The following CERS3 variants were observed in gnomAD, a reference collection of about 807,000 sequenced individuals.
CERS3 encodes the protein LAG1 homolog, ceramide synthase 3.
A neutral mutation model predicts 50.3 loss-of-function variants in CERS3; 33 were observed. The ratio of observed to expected loss-of-function variants is 0.66; its 90% CI spans 0.50 to 0.88. CERS3 has a LOEUF of 0.88. Among genes scored for constraint, CERS3 ranks in the 40% least tolerant of loss-of-function variants. CERS3 has a pLI of 0.00. For synonymous variants in CERS3, 176 were observed against 155.2 expected, an observed-to-expected ratio of 1.13 and a Z score of -0.99; for missense variants, 470 against 460.3, an observed-to-expected ratio of 1.02 and a Z score of -0.19.
At chr15:100,440,277 G>C (rs985323494) in intron 11 of CERS3, among the ~76,000 whole-genome samples, 3 of 152,138 alleles carry the variant, frequency 2.0e-5, no homozygotes, top group African/African-American at 7.2e-5. Flanking sequence ...CTGAGCCTAA[G>C]CTAAGCCATC....
intron 11 of CERS3, among the ~76,000 whole-genome samples, chr15:100,417,820 C>G (rs959775243): frequency 2.0e-5 from 3 of 151,852 alleles, no homozygotes; most frequent in African/African-American, 4.9e-5. Flanking sequence ...AGCAAGGGCA[C>G]ACTGACACCT....
At chr15:100,436,775 T>C (rs916337410) in intron 11 of CERS3, among the ~76,000 whole-genome samples, 1 of 152,180 alleles carries the variant, frequency 6.6e-6, no homozygotes, top group South Asian at 2.1e-4. Flanking sequence ...GAGATTGTTT[T>C]ACTTATTTAA....
At chr15:100,413,657 T>C (rs1214127150) in intron 11 of CERS3, among the ~76,000 whole-genome samples, 1 of 151,642 alleles carries the variant, frequency 6.6e-6, no homozygotes, top group Non-Finnish European at 1.5e-5. Flanking sequence ...CTGATAATAT[T>C]GTAAAAAAAG....
At chr15:100,456,752 G>A (rs983001878) in intron 10 of CERS3, among the ~76,000 whole-genome samples, 1 of 152,088 alleles carries the variant, frequency 6.6e-6, no homozygotes, top group Non-Finnish European at 1.5e-5. Flanking sequence ...TTTGAGACCA[G>A]CCTGGCCAAC....
chr15:100,493,611 C>T (rs546413346), intron 3 of CERS3, among the ~76,000 whole-genome samples: 8 of 152,238 alleles, frequency 5.3e-5, no homozygotes, highest in African/African-American at 1.7e-4. Flanking sequence ...TATTTCTTCA[C>T]ATTTTTGGGG....
intron 2 of CERS3, among the ~76,000 whole-genome samples, chr15:100,513,540 C>CTTTTT (rs11428048): frequency 6.9e-6 from 1 of 143,920 alleles, no homozygotes; most frequent in Non-Finnish European, 1.5e-5. Context: ...GTTTTCTTTT[C>CTTTTT]TTTTTTTTTT....
At chr15:100,477,561 G>A (rs772923925) in intron 7 of CERS3, among the ~76,000 whole-genome samples, 1 of 152,170 alleles carries the variant, frequency 6.6e-6, no homozygotes, top group Non-Finnish European at 1.5e-5. Flanking sequence ...AAATGCACTA[G>A]AGCGAACCTT....
chr15:100,444,186 TAA>T (rs1233244180), intron 11 of CERS3, among the ~76,000 whole-genome samples: 1 of 152,168 alleles, frequency 6.6e-6, no homozygotes, highest in Non-Finnish European at 1.5e-5. Flanking sequence ...TAGAAGCCCT[TAA>T]AATCACAAAC....
rs1180123303 is a variant in CERS3 at position 100,494,253 on chromosome 15, A to ATG, written c.174-3323_174-3322insCA. Among the ~76,000 whole-genome samples, 23 of 15,636 alleles carry ATG rather than the reference A, an allele frequency of 1.5e-3. 1 individual carries two copies. The South Asian group carries it at 0.042, about 28-fold the overall frequency. The allele number at this position is 15,636 out of a possible 152,430, so 10.3% of individuals were successfully genotyped here. A position where few individuals can be genotyped will look rare whatever the true frequency, so the allele number is the denominator to read the frequency against. On this transcript the variant is annotated intron_variant, in intron 3 of 11. Coordinates refer to ENST00000679737, the MANE Select transcript of CERS3 (RefSeq NM_001378789.1). ...TATATATATATATATATATATATAT[A>ATG]TATATTTGTTTTGAGATGGAGTCTT...
intron 11 of CERS3, among the ~76,000 whole-genome samples, chr15:100,425,623 G>A (rs369285429): frequency 1.3e-5 from 2 of 152,268 alleles, no homozygotes; most frequent in Admixed American, 6.5e-5. Context: ...TATTTTACAG[G>A]CTCATAGGCA....
At chr15:100,444,033 T>A (rs1251618431) in intron 11 of CERS3, among the ~76,000 whole-genome samples, 1 of 152,186 alleles carries the variant, frequency 6.6e-6, no homozygotes, top group Non-Finnish European at 1.5e-5. Flanking sequence ...TACACACAGC[T>A]GAAGTGCAGG....
chr15:100,439,691 C>A (rs979815715), intron 11 of CERS3, among the ~76,000 whole-genome samples: 8 of 152,198 alleles, frequency 5.3e-5, no homozygotes, highest in Non-Finnish European at 1.2e-4. Flanking sequence ...TGCAACTATG[C>A]CTTCAAATAG....
chr15:100,426,446 A>G (rs1415061630), intron 11 of CERS3, among the ~76,000 whole-genome samples: 1 of 152,224 alleles, frequency 6.6e-6, no homozygotes, highest in African/African-American at 2.4e-5. Context: ...GACATAATAA[A>G]TATACAGAGG....
chr15:100,531,656 A>C (rs1360340980), upstream of CERS3, among the ~76,000 whole-genome samples: 1 of 152,230 alleles, frequency 6.6e-6, no homozygotes, highest in Non-Finnish European at 1.5e-5. Flanking sequence ...CATTGCTAAG[A>C]GAAAAGATAG....
chr15:100,518,044 C>G (rs755941792), intron 2 of CERS3, among the ~76,000 whole-genome samples: 1 of 152,212 alleles, frequency 6.6e-6, no homozygotes, highest in South Asian at 2.1e-4. Flanking sequence ...AGGGCAGCTG[C>G]TCCCTCTGTC....
intron 5 of CERS3, among the ~76,000 whole-genome samples, chr15:100,483,784 A>ATTTTTTTTTTTTTTT (rs1335617514): frequency 3.4e-5 from 3 of 89,420 alleles, no homozygotes; most frequent in African/African-American, 9.3e-5. Flanking sequence ...AATTATTATT[A>ATTTTTTTTTTTTTTT]TTATTTTTTT....
At chr15:100,512,253 T>C (rs1385017917) in intron 2 of CERS3, among the ~76,000 whole-genome samples, 1 of 152,196 alleles carries the variant, frequency 6.6e-6, no homozygotes, top group Admixed American at 6.5e-5. Context: ...TCCCTTTACA[T>C]ATTTTCCCTT....
chr15:100,414,036 T>C (rs968517273), intron 11 of CERS3, among the ~76,000 whole-genome samples: 3 of 152,102 alleles, frequency 2.0e-5, no homozygotes, highest in Non-Finnish European at 4.4e-5. Context: ...CTGGTACCAA[T>C]CCTACTGAAA....
intron 11 of CERS3, among the ~76,000 whole-genome samples, chr15:100,436,942 C>CTT (rs755700746): frequency 2.4e-4 from 31 of 129,590 alleles, no homozygotes; most frequent in Admixed American, 3.1e-4. Context: ...TCTTTCCTGA[C>CTT]TTTTTTTTTT....
Sources: gnomAD v4.1 joint callset for allele counts (sites outside exome capture counted in the v4.1 genomes callset) on GRCh38, gnomAD v4.1.1 for gene constraint, MANE v1.5 for transcripts, NCBI Gene and HGNC (gene_info 2026-07-23, HGNC 2026-07-21) for gene names.